Variants in DACH2 observed in about 807,000 individuals in gnomAD.
DACH2 encodes dachshund homolog 2.
In DACH2, 17 loss-of-function variants were observed where a neutral mutation model predicts 35.8. That is an observed-to-expected ratio of 0.48 (90% CI 0.33 to 0.71). The LOEUF (loss-of-function observed/expected upper bound fraction) is 0.71. DACH2 is among the 30% of genes least tolerant of loss of function. DACH2 has a pLI of 0.02. For missense variants in DACH2, 469 were observed against 472.7 expected, an observed-to-expected ratio of 0.99 and a Z score of 0.07; for synonymous variants, 195 against 177.3, an observed-to-expected ratio of 1.10 and a Z score of -0.79.
chrX:86,589,790 G>A lies in DACH2; in HGVS notation c.641-61246G>A, dbSNP rs914790546. 4.5e-5 allele frequency among the ~76,000 whole-genome samples: 5 copies of A among 111,616 alleles called. 1 individual carries two copies. On this transcript the variant is annotated intron_variant, in intron 3 of 11. Transcript: ENST00000373125. The stretch of plus-strand genomic sequence containing the variant: ...GTTATCTATTGGAGTTTTACAGTAT[G>A]TAGCATTTTAGCCTGCGTTCTTTCA...
intron 1 of DACH2, among the ~76,000 whole-genome samples, chrX:86,306,544 G>T (rs1226470166): frequency 1.8e-5 from 2 of 111,640 alleles, no homozygotes; most frequent in Admixed American, 1.9e-4. Flanking sequence ...GCCTTAATCT[G>T]GTGGGCAAAA....
chrX:86,249,219 A>G (rs2033350523), intron 1 of DACH2, among the ~76,000 whole-genome samples: 1 of 111,571 alleles, frequency 9.0e-6, no homozygotes, highest in Admixed American at 9.5e-5. Context: ...TAATTTAACT[A>G]AGGAGCTTTT....
At chrX:86,623,484 G>C (rs2040092074) in intron 3 of DACH2, among the ~76,000 whole-genome samples, 1 of 111,382 alleles carries the variant, frequency 9.0e-6, no homozygotes, top group Admixed American at 9.5e-5. Flanking sequence ...TAGTGGGTTT[G>C]TGATGGAAAA....
intron 1 of DACH2, among the ~76,000 whole-genome samples, chrX:86,358,815 C>G (rs1247657408): frequency 2.7e-5 from 3 of 111,908 alleles, no homozygotes; most frequent in African/African-American, 9.7e-5. Context: ...ATCTGATGCA[C>G]TTTCCATACA....
intron 2 of DACH2, among the ~76,000 whole-genome samples, chrX:86,412,642 C>A (rs1167737361): frequency 8.9e-6 from 1 of 111,772 alleles, no homozygotes; most frequent in African/African-American, 3.3e-5. Context: ...GTGGATAAGG[C>A]ATTCCATGAG....
intron 1 of DACH2, among the ~76,000 whole-genome samples, chrX:86,169,295 T>G (rs2031047858): frequency 8.9e-6 from 1 of 111,842 alleles, no homozygotes; most frequent in Non-Finnish European, 1.9e-5. Flanking sequence ...TTTTATGTCA[T>G]TTTTTCCTCT....
intron 11 of DACH2, among the ~76,000 whole-genome samples, chrX:86,823,980 A>G (rs1429943801): frequency 2.7e-5 from 3 of 112,100 alleles, no homozygotes; most frequent in Non-Finnish European, 5.6e-5. Flanking sequence ...GGGCAAAAGC[A>G]GAATTACTGA....
intron 1 of DACH2, among the ~76,000 whole-genome samples, chrX:86,282,627 C>T (rs1158643618): frequency 9.0e-6 from 1 of 110,973 alleles, no homozygotes; most frequent in East Asian, 2.8e-4. Context: ...AGTGAACAGG[C>T]AACCTACAGA....
intron 2 of DACH2, among the ~76,000 whole-genome samples, chrX:86,392,804 C>T (rs769356116): frequency 2.7e-5 from 3 of 111,816 alleles, no homozygotes; most frequent in South Asian, 3.7e-4. Context: ...GCTACACACG[C>T]TGCCCCTCTT....
chrX:86,493,186 G>T (rs1055738376), intron 2 of DACH2, among the ~76,000 whole-genome samples: 1 of 110,465 alleles, frequency 9.1e-6, no homozygotes, highest in South Asian at 3.9e-4. Flanking sequence ...GTGTAAGATG[G>T]CATCTCCTTG....
At chrX:86,401,574 A>C (rs1228482853) in intron 2 of DACH2, among the ~76,000 whole-genome samples, 1 of 111,615 alleles carries the variant, frequency 9.0e-6, no homozygotes, top group Non-Finnish European at 1.9e-5. Flanking sequence ...AAACTGAAAG[A>C]ATGGAGTTTC....
At chrX:86,694,949 T>C in intron 4 of DACH2, 72 bp from the exon 5 acceptor site, 1 of 846,320 alleles carries the variant, frequency 1.2e-6, no homozygotes, top group Non-Finnish European at 1.6e-6. Context: ...ATTACAGCCC[T>C]AAAAGGGAAT....
intron 3 of DACH2, among the ~76,000 whole-genome samples, chrX:86,532,343 T>C (rs1446232544): frequency 1.8e-5 from 2 of 111,344 alleles, no homozygotes; most frequent in Non-Finnish European, 3.8e-5. Context: ...TCCAGCAAAG[T>C]GTCATCTTGA....
chrX:86,567,444 C>T (rs899570091), intron 3 of DACH2, among the ~76,000 whole-genome samples: 37 of 110,746 alleles, frequency 3.3e-4, no homozygotes, highest in African/African-American at 1.1e-3. Context: ...CTCTAATTAG[C>T]AGCTGCAATA....
intron 1 of DACH2, among the ~76,000 whole-genome samples, chrX:86,214,253 T>A (rs1397899078): frequency 8.9e-6 from 1 of 111,921 alleles, no homozygotes; most frequent in Non-Finnish European, 1.9e-5. Context: ...GAATCTTTAG[T>A]AAATCCTTAA....
chrX:86,275,550 A>G (rs2033901750), intron 1 of DACH2, among the ~76,000 whole-genome samples: 1 of 111,784 alleles, frequency 8.9e-6, no homozygotes, highest in Non-Finnish European at 1.9e-5. Context: ...TCAGTTACAA[A>G]CAATTGAATC....
At chrX:86,212,230 AATT>A (rs1179934206) in intron 1 of DACH2, among the ~76,000 whole-genome samples, 1 of 111,843 alleles carries the variant, frequency 8.9e-6, no homozygotes, top group African/African-American at 3.2e-5. Context: ...TTTTCTGCAA[AATT>A]ATTATACAAT....
intron 2 of DACH2, among the ~76,000 whole-genome samples, chrX:86,441,153 G>C (rs2037154190): frequency 9.0e-6 from 1 of 111,264 alleles, no homozygotes; most frequent in Non-Finnish European, 1.9e-5. Flanking sequence ...TCACATCAGG[G>C]TAAAATGGGG....
chrX:86,683,281 G>C (rs934086457), intron 4 of DACH2, among the ~76,000 whole-genome samples: 1 of 110,786 alleles, frequency 9.0e-6, no homozygotes, highest in Non-Finnish European at 1.9e-5. Flanking sequence ...CTTTTAAGAA[G>C]TCCTAGGATT....
Sources: allele counts gnomAD v4.1 joint callset (sites outside exome capture counted in the v4.1 genomes callset), GRCh38; gene constraint gnomAD v4.1.1; transcripts MANE v1.5; gene names NCBI Gene and HGNC (gene_info 2026-07-23, HGNC 2026-07-21).